Variants in VCP observed in about 807,000 individuals in gnomAD.
VCP encodes the protein valosin containing protein, also known as transitional endoplasmic reticulum ATPase.
In VCP, 6 loss-of-function variants were observed where a neutral mutation model predicts 85.7. The ratio of observed to expected loss-of-function variants is 0.07; its 90% CI spans 0.04 to 0.14. VCP has a LOEUF of 0.14. Ranked by LOEUF, VCP falls within the 10% of genes least tolerant of loss-of-function variation. The probability of loss-of-function intolerance (pLI) is 1.00; values close to 1 mark genes in which losing one functional copy is unlikely to be tolerated. For missense variants in VCP, 353 were observed against 1,043.4 expected, an observed-to-expected ratio of 0.34 and a Z score of 9.12; for synonymous variants, 384 against 367.1, an observed-to-expected ratio of 1.05 and a Z score of -0.53.
chr9:35,059,872 C>T lies in VCP; in HGVS notation c.1696-71G>A, dbSNP rs998159871. ...CTCTAGGCAAACGTGGTGGCTCACA[C>T]CTGTATTCCCAGCACTTTGGGAGGC... On this transcript the variant is annotated intron_variant, in intron 13 of 16. Coordinates refer to ENST00000358901, the MANE Select transcript of VCP (RefSeq NM_007126.5). This position sits in a 1 kb window ranked among gnomAD's most constrained non-coding sequence, Gnocchi z 4.9. 2.4e-5 allele frequency: 39 copies of T among 1,600,090 alleles called. No homozygotes were observed. The highest frequency in any genetic ancestry group is 3.4e-6 in the Non-Finnish European group (4 of 1,169,316).
chr9:35,057,263 G>T (rs774000000), intron 16 of VCP, 41 bp from the exon 17 acceptor site: 1 of 1,613,758 alleles, frequency 6.2e-7, no homozygotes, highest in Non-Finnish European at 8.5e-7. Context: ...GTTAGGACAG[G>T]GCCTGTGTAA....
In VCP at chr9:35,072,175, CCTGCCGGGT is replaced by C. The variant is rs1346943763; in HGVS notation, c.17+153_17+161del. On this transcript the variant is annotated intron_variant, in intron 1 of 16. Transcript: ENST00000358901. ...GGGTGCGCAGCTGGCCCCAGCCGGG[CCTGCCGGGT>C]CCACGGCCCCTCACTCGCCCCCTAG... 3 of 1,418,346 alleles carry C rather than the reference CCTGCCGGGT, an allele frequency of 2.1e-6. No homozygotes were observed. The African/African-American group carries it at 4.5e-5, about 21-fold the overall frequency. The allele number at this position is 1,418,346 out of a possible 1,614,324, so 87.9% of individuals were successfully genotyped here. A position where few individuals can be genotyped will look rare whatever the true frequency, so the allele number is the denominator to read the frequency against.
rs200358956 is a variant in VCP, at chr9:35,071,142, G to T, written c.17+1195C>A. Among the ~76,000 whole-genome samples, 4 of 152,206 alleles carry T rather than the reference G, an allele frequency of 2.6e-5. No homozygotes were observed. In the East Asian group the frequency reaches 7.7e-4, roughly 29 times the overall value. Reference sequence around the variant, plus strand: ...GAGGCTGACTGCATATAAACCAAAAGAATACTTTCAGAATAAGTGACTCTT... The same window carrying T: ...GAGGCTGACTGCATATAAACCAAAATAATACTTTCAGAATAAGTGACTCTT... On this transcript the variant is annotated intron_variant, in intron 1 of 16. Coordinates refer to ENST00000358901, the MANE Select transcript of VCP (RefSeq NM_007126.5).
At chr9:35,066,590 A>AG (rs1828837405) in intron 4 of VCP, 85 bp downstream of exon 4, 2 of 1,518,152 alleles carry the variant, frequency 1.3e-6, no homozygotes, top group South Asian at 1.3e-5. Context: ...TTTAAAAAAA[A>AG]AAAAAGAAAA....
At chr9:35,060,697 C>G in intron 12 of VCP, 104 bp downstream of exon 12, 2 of 1,594,640 alleles carry the variant, frequency 1.3e-6, no homozygotes, top group Non-Finnish European at 1.7e-6. Flanking sequence ...GTTCCTAAGT[C>G]GTGCTCTCAC....
intron 12 of VCP, 44 bp from the exon 13 acceptor site, chr9:35,060,569 TGAAA>T: frequency 6.3e-7 from 1 of 1,597,546 alleles, no homozygotes; most frequent in South Asian, 1.1e-5. Flanking sequence ...CTCCACATTT[TGAAA>T]GAAACCTAAC....
Position 35,059,377 on chromosome 9 carries a change from A to C in VCP, c.2004+116T>G. 6.5e-7 allele frequency: 1 copy of C among 1,532,064 alleles called. No homozygotes were observed. Among genetic ancestry groups the C allele is most frequent in the Non-Finnish European group, 8.9e-7 (1 of 1,129,206 alleles). 94.9% of individuals were successfully genotyped at this position (1,532,064 alleles called of 1,614,324 possible). A position where few individuals can be genotyped will look rare whatever the true frequency, so the allele number is the denominator to read the frequency against. The stretch of plus-strand genomic sequence containing the variant: ...TTATCTTGATATCCTCAAAAATTCT[A>C]CCTTCCCTTTAGACCAACCCTAACC... On this transcript the variant is annotated intron_variant, in intron 14 of 16. Transcript: ENST00000358901. This position sits in a 1 kb window ranked among gnomAD's most constrained non-coding sequence, Gnocchi z 4.9.
chr9:35,068,695 T>TC (rs1171020330), intron 1 of VCP, among the ~76,000 whole-genome samples: 4 of 152,098 alleles, frequency 2.6e-5, no homozygotes, highest in Non-Finnish European at 5.9e-5. Flanking sequence ...AAAATAGTCT[T>TC]AGACTTACAG....
chr9:35,058,915 C>G, intron 15 of VCP, 149 bp downstream of exon 15: 1 of 1,109,008 alleles, frequency 9.0e-7, no homozygotes, highest in Non-Finnish European at 1.3e-6. Context: ...ATGGATTCAC[C>G]TCAGCATTCT....
chr9:35,057,359 G>C lies in VCP; in HGVS notation c.2315+17C>G. The C allele has an allele frequency of 6.2e-7, 1 of 1,614,238 alleles. No individual in the cohort carries two copies. The highest frequency in any genetic ancestry group is 8.5e-7 in the Non-Finnish European group (1 of 1,180,050). On this transcript the variant is annotated intron_variant, in intron 16 of 16. Transcript: ENST00000358901. ...CAAAGTAACTTAAGCACTGTCTAAT[G>C]CTCCCAACCAACTTACCTGAAGCTG...
intron 1 of VCP, among the ~76,000 whole-genome samples, chr9:35,069,878 C>A (rs1425347091): frequency 6.6e-6 from 1 of 152,196 alleles, no homozygotes; most frequent in African/African-American, 2.4e-5. Context: ...TTTCTTCATT[C>A]AACAAATTCA....
chr9:35,066,842 A>G (rs1259782087), intron 3 of VCP, 25 bp from the exon 4 acceptor site: 2 of 1,613,730 alleles, frequency 1.2e-6, no homozygotes, highest in Non-Finnish European at 1.7e-6. Context: ...CAGACTCCAT[A>G]TTACCAACCA....
rs1828756572 is a variant in VCP, at chr9:35,062,997, G to A, written c.792C>T (p.Ala264=). The change falls in exon 7 of 17, where the codon GCC becomes GCT. Residue 264 remains alanine (A), a synonymous_variant. Coordinates refer to ENST00000358901, the MANE Select transcript of VCP (RefSeq NM_007126.5). Reference sequence around the variant, plus strand: ...TCTCACCATTGATCAAGAAGAAGAAGGCTCCAGTCTCATTTGCTACAGCTC... The same window carrying A: ...TCTCACCATTGATCAAGAAGAAGAAAGCTCCAGTCTCATTTGCTACAGCTC... The part of the protein sequence containing the change: ...IARAVANETG[A]FFFLINGPEI... 1 of 1,614,018 alleles carries A rather than the reference G, an allele frequency of 6.2e-7. No individual in the cohort carries two copies. The highest frequency in any genetic ancestry group is 1.3e-5 in the African/African-American group (1 of 74,992).
At chr9:35,070,674 G>A (rs915107572) in intron 1 of VCP, among the ~76,000 whole-genome samples, 9 of 152,180 alleles carry the variant, frequency 5.9e-5, no homozygotes, top group Non-Finnish European at 1.2e-4. Context: ...GACCTCAAGT[G>A]ATCTGCCTGC....
Position 35,059,115 on chromosome 9 carries a change from G to A in VCP, c.2109C>T (p.Ile703=), listed in dbSNP as rs543689812. The A allele has an allele frequency of 1.2e-5, 20 of 1,614,022 alleles. No homozygotes were observed. The highest frequency in any genetic ancestry group is 5.3e-5 in the African/African-American group (4 of 74,980). ...RACKLAIRES[I]ESEIRRERER... ...CTCGTTCTCGCCTAATCTCACTCTCGATGGATTCACGGATGGCCAGCTTGC... is the reference window on the plus strand; with the variant it reads ...CTCGTTCTCGCCTAATCTCACTCTCAATGGATTCACGGATGGCCAGCTTGC... Residue 703 remains isoleucine (I), a synonymous_variant, in exon 15 of 17, where the codon ATC becomes ATT. Coordinates refer to ENST00000358901, the MANE Select transcript of VCP (RefSeq NM_007126.5). This position sits in a 1 kb window ranked among gnomAD's most constrained non-coding sequence, Gnocchi z 4.9.
At position 35,059,006 on chromosome 9, in the gene VCP, G is replaced by T; in HGVS notation, c.2160+58C>A. 1 of 1,608,212 alleles carries T rather than the reference G, an allele frequency of 6.2e-7. No individual in the cohort carries two copies. ...TCTACTCTCAACTCCAGGGCATGGTGGTGGCTGCTGCCTGGCTCTCCATGA... is the reference window on the plus strand; with the variant it reads ...TCTACTCTCAACTCCAGGGCATGGTTGTGGCTGCTGCCTGGCTCTCCATGA... On this transcript the variant is annotated intron_variant, in intron 15 of 16. Transcript: ENST00000358901. This position sits in a 1 kb window ranked among gnomAD's most constrained non-coding sequence, Gnocchi z 4.9.
chr9:35,060,014 C>A, intron 13 of VCP: 1 of 676,560 alleles, frequency 1.5e-6, no homozygotes, highest in Non-Finnish European at 2.5e-6. Context: ...TGCCTATAGT[C>A]CCAGCTACTC....
intron 1 of VCP, 84 bp from the exon 2 acceptor site, chr9:35,068,446 GT>G: frequency 8.2e-7 from 1 of 1,213,110 alleles, no homozygotes; most frequent in South Asian, 1.2e-5. Flanking sequence ...GAAAGAAACA[GT>G]GAATAGATGA....
Position 35,068,323 on chromosome 9 carries a change from C to T in VCP, c.57G>A (p.Gln19=). ...GDDLSTAILK[Q]KNRPNRLIVD... ...CAATTAACCGATTGGGACGGTTCTT[C>T]TGTTTGAGAATGGCTGTTGATAGGT... is the stretch of plus-strand genomic sequence containing the variant. The change falls in exon 2 of 17, where the codon CAG becomes CAA. Residue 19 remains glutamine, a synonymous_variant. Transcript: ENST00000358901. 6.2e-7 allele frequency: 1 copy of T among 1,614,202 alleles called. No individual in the cohort carries two copies. Among genetic ancestry groups the T allele is most frequent in the Non-Finnish European group, 8.5e-7 (1 of 1,180,040 alleles).
Sources: gnomAD v4.1 joint callset for allele counts (sites outside exome capture counted in the v4.1 genomes callset) on GRCh38, gnomAD v4.1.1 for gene constraint, Gnocchi (gnomAD v3.1) non-coding constraint, MANE v1.5 for transcripts, NCBI Gene and HGNC (gene_info 2026-07-23, HGNC 2026-07-21) for gene names.